ICE2: variants seen among roughly 807,000 people sequenced by gnomAD.
The protein encoded by ICE2 is little elongation complex subunit 2.
In ICE2, 87 loss-of-function variants were observed where a neutral mutation model predicts 105.4. The ratio of observed to expected loss-of-function variants is 0.83; its 90% CI spans 0.69 to 0.99. The LOEUF (loss-of-function observed/expected upper bound fraction) is 0.99. Ranked by LOEUF, ICE2 falls within the 50% of genes least tolerant of loss-of-function variation. The pLI, the probability that ICE2 is intolerant of heterozygous loss-of-function variation, is 0.00. For synonymous variants in ICE2, 399 were observed against 392.0 expected (o/e 1.02, Z -0.21); for missense variants, 1,323 against 1,146.7 (o/e 1.15, Z -2.22).
chr15:60,457,739 C>T (rs906530296), intron 5 of ICE2, among the ~76,000 whole-genome samples: 1 of 152,124 alleles, frequency 6.6e-6, no homozygotes, highest in Admixed American at 6.5e-5. Flanking sequence ...CTATGCTTTT[C>T]ATGGAAGATC....
At chr15:60,437,135 A>AAC (rs1443334239) in intron 12 of ICE2, among the ~76,000 whole-genome samples, 2 of 151,592 alleles carry the variant, frequency 1.3e-5, no homozygotes, top group Non-Finnish European at 2.9e-5. Flanking sequence ...GGCACCTGTA[A>AAC]TCCCACCTAC....
chr15:60,463,033 A>G (rs2064322861), intron 5 of ICE2, among the ~76,000 whole-genome samples: 1 of 152,238 alleles, frequency 6.6e-6, no homozygotes, highest in Non-Finnish European at 1.5e-5. Flanking sequence ...AAGACACTCA[A>G]TAATTTATTA....
rs1487663907 is a variant in ICE2, at chr15:60,419,698, AACT to A, written c.*3933_*3935del. ...TCAAATACGTTAAGGTTTGATTAAA[AACT>A]ACTACATACCAAACAAAAAAACAGA... On this transcript the variant is annotated 3_prime_UTR_variant, in exon 16 of 16. Transcript: ENST00000261520. The A allele has an allele frequency of 6.7e-6, 1 of 149,986 alleles. No homozygotes were observed. Among genetic ancestry groups the A allele is most frequent in the Non-Finnish European group, 1.5e-5 (1 of 67,504 alleles). 9.3% of individuals were successfully genotyped at this position (149,986 alleles called of 1,614,324 possible). A position where few individuals can be genotyped will look rare whatever the true frequency, so the allele number is the denominator to read the frequency against.
At chr15:60,434,545 AC>A (rs2063539106) in intron 13 of ICE2, among the ~76,000 whole-genome samples, 6 of 151,304 alleles carry the variant, frequency 4.0e-5, no homozygotes, top group African/African-American at 1.5e-4. Flanking sequence ...ACACACACAC[AC>A]ACACACACAC....
At chr15:60,442,638 C>T in intron 11 of ICE2, 93 bp from the exon 12 acceptor site, 2 of 938,202 alleles carry the variant, frequency 2.1e-6, no homozygotes, top group East Asian at 2.6e-5. Context: ...TTTCAAAATG[C>T]TTTCAGGTAA....
chr15:60,474,660 G>A (rs2064704846), intron 3 of ICE2, among the ~76,000 whole-genome samples: 1 of 152,134 alleles, frequency 6.6e-6, no homozygotes, highest in South Asian at 2.1e-4. Context: ...TACTACTACT[G>A]TTTTCTGTAT....
At chr15:60,423,888 C>A (rs1595729817) in intron 15 of ICE2, 126 bp from the exon 16 acceptor site, 1 of 833,820 alleles carries the variant, frequency 1.2e-6, no homozygotes, top group East Asian at 3.3e-5. Context: ...TTTTTCATCT[C>A]CAGCTAGCTG....
chr15:60,434,215 T>A (rs528430406), intron 13 of ICE2, among the ~76,000 whole-genome samples: 6 of 152,336 alleles, frequency 3.9e-5, no homozygotes, highest in Admixed American at 3.9e-4. Flanking sequence ...TTATTTTGCT[T>A]TGCATTTAGA....
intron 13 of ICE2, among the ~76,000 whole-genome samples, chr15:60,435,067 G>A (rs549201376): frequency 6.6e-6 from 1 of 151,824 alleles, no homozygotes; most frequent in Non-Finnish European, 1.5e-5. Context: ...TGGATCACGA[G>A]GTCAGGAGAT....
Position 60,428,882 on chromosome 15 carries a change from C to A in ICE2, c.2562-195G>T, listed in dbSNP as rs1383323192. Among the ~76,000 whole-genome samples, 3 of 152,280 alleles carry A rather than the reference C, an allele frequency of 2.0e-5. No individual in the cohort carries two copies. The South Asian group carries it at 6.2e-4, about 32-fold the overall frequency. ...GCTTTTTAGGCAACTAATTTTAATT[C>A]TTATTCCAAAGTTCAGAATAGTTGA... On this transcript the variant is annotated intron_variant, in intron 14 of 15. Coordinates refer to ENST00000261520, the MANE Select transcript of ICE2 (RefSeq NM_024611.6).
chr15:60,449,382 C>A lies in ICE2; in HGVS notation c.1585G>T (p.Asp529Tyr), dbSNP rs1317421108. ...SQEIETSNKNDMTIDILHADG... is the reference protein window; with the variant it reads ...SQEIETSNKNYMTIDILHADG... ...GCATGTAATATATCTATAGTCATAT[C>A]ATTTTTATTAGAAGTTTCAATTTCC... The change falls in exon 10 of 16, where the codon GAT (aspartate) becomes TAT (tyrosine). Residue 529 changes from aspartate (D) to tyrosine (Y), a missense_variant. Coordinates refer to ENST00000261520, the MANE Select transcript of ICE2 (RefSeq NM_024611.6). The A allele has an allele frequency of 6.2e-7, 1 of 1,612,892 alleles. No homozygotes were observed. The highest frequency in any genetic ancestry group is 1.7e-5 in the Admixed American group (1 of 59,964).
In ICE2 at chr15:60,453,596, T is replaced by C. The variant is rs1358604687; in HGVS notation, c.1125+7A>G. 2 of 1,611,240 alleles carry C rather than the reference T, an allele frequency of 1.2e-6. No homozygotes were observed. Among genetic ancestry groups the C allele is most frequent in the Non-Finnish European group, 1.7e-6 (2 of 1,179,022 alleles). ...TCCCCTTAGGGGAAAAAAAAAGCAT[T>C]ACATACGTCCATTTCAGATATAAAC... is the stretch of plus-strand genomic sequence containing the variant. On this transcript the variant is annotated splice_region_variant and intron_variant, in intron 9 of 15. Transcript: ENST00000261520.
At position 60,466,615 on chromosome 15, in the gene ICE2, A is replaced by T. The variant is rs758617303; in HGVS notation, c.507T>A (p.Asp169Glu). The T allele has an allele frequency of 8.7e-6, 14 of 1,611,420 alleles. No individual in the cohort carries two copies. The highest frequency in any genetic ancestry group is 5.0e-5 in the Admixed American group (3 of 59,710). Residue 169 changes from aspartate (D) to glutamate (E), a missense_variant, in exon 5 of 16, where the codon GAT becomes GAA. Physicochemically the swap from Asp to Glu is conservative, Grantham distance 45. Transcript: ENST00000261520. Reference protein sequence around the residue: ...KCAQDYNMLSDDARLFTEKIL... With the variant: ...KCAQDYNMLSEDARLFTEKIL... ...TTACCTCTGTGAAGAGACGGGCATC[A>T]TCAGAAAGCATATTATAATCCTGCG...
intron 3 of ICE2, among the ~76,000 whole-genome samples, chr15:60,473,895 G>A (rs2064680243): frequency 6.6e-6 from 1 of 152,136 alleles, no homozygotes; most frequent in South Asian, 2.1e-4. Flanking sequence ...TCTTTAAAAC[G>A]TTTATTTTTA....
intron 3 of ICE2, among the ~76,000 whole-genome samples, 185 bp from the exon 4 acceptor site, chr15:60,468,507 G>A (rs941004307): frequency 2.6e-5 from 4 of 152,104 alleles, no homozygotes. Context: ...AGTATTCTGT[G>A]GCATATGATC....
Position 60,442,422 on chromosome 15 carries a change from A to T in ICE2, c.2419T>A (p.Tyr807Asn). Reference sequence around the variant, plus strand: ...AGACTTTTGTATAACTTACCAACATAAAATGAGCTGTTGGAATGCAATAAA... The same window carrying T: ...AGACTTTTGTATAACTTACCAACATTAAATGAGCTGTTGGAATGCAATAAA... ...ESLLHSNSSF[Y>N]VGHIDAFTSK... The change falls in exon 12 of 16, where the codon TAT becomes AAT. Residue 807 changes from tyrosine (Y) to asparagine (N), a missense_variant. By Grantham distance (143) the Tyr-to-Asn change is moderately radical. Coordinates refer to ENST00000261520, the MANE Select transcript of ICE2 (RefSeq NM_024611.6). 6.3e-7 allele frequency: 1 copy of T among 1,581,760 alleles called. No individual in the cohort carries two copies.
At chr15:60,431,899 G>A in intron 14 of ICE2, 35 bp downstream of exon 14, 1 of 1,115,956 alleles carries the variant, frequency 9.0e-7, no homozygotes, top group East Asian at 2.6e-5. Flanking sequence ...AAGAAAATCA[G>A]ATGTATCAAA....
At chr15:60,449,974 G>C (rs531490629) in intron 9 of ICE2, 133 bp from the exon 10 acceptor site, 8 of 686,364 alleles carry the variant, frequency 1.2e-5, no homozygotes, top group Non-Finnish European at 1.9e-5. Flanking sequence ...GTTGTAAAAG[G>C]TTCTTGTTTA....
In ICE2 at chr15:60,476,020, C is replaced by T. The variant is rs188243276; in HGVS notation, c.146+43G>A. 2.4e-4 allele frequency: 309 copies of T among 1,283,402 alleles called. 1 individual carries two copies. In the Middle Eastern group the frequency reaches 4.2e-3, roughly 18 times the overall value. The allele number at this position is 1,283,402 out of a possible 1,614,324, so 79.5% of individuals were successfully genotyped here. A position where few individuals can be genotyped will look rare whatever the true frequency, so the allele number is the denominator to read the frequency against. On this transcript the variant is annotated intron_variant, in intron 3 of 15. Coordinates refer to ENST00000261520, the MANE Select transcript of ICE2 (RefSeq NM_024611.6). ...CATAAAACTTCAACTATCAGAAAAA[C>T]GACCATCAAATATGGAAATAAATAA...
Sources: gnomAD v4.1 joint callset for allele counts (sites outside exome capture counted in the v4.1 genomes callset) on GRCh38, gnomAD v4.1.1 for gene constraint, MANE v1.5 for transcripts, NCBI Gene and HGNC (gene_info 2026-07-23, HGNC 2026-07-21) for gene names.